Variants in CPLX2 observed in about 807,000 individuals in gnomAD.
CPLX2 encodes complexin 2.
In CPLX2, 5 loss-of-function variants were observed where a neutral mutation model predicts 16.3. That is an observed-to-expected ratio of 0.31 (90% confidence interval 0.16 to 0.64). CPLX2 has a LOEUF of 0.64. Among genes scored for constraint, CPLX2 ranks in the 30% least tolerant of loss-of-function variants. The pLI, the probability that CPLX2 is intolerant of heterozygous loss-of-function variation, is 0.79. For synonymous variants in CPLX2, 89 were observed against 73.2 expected (o/e 1.22, Z -1.10); for missense variants, 144 against 181.4 (o/e 0.79, Z 1.18).
chr5:175,830,388 C>T lies in CPLX2; in HGVS notation c.-89+21320C>T. Reference sequence around the variant, plus strand: ...CCAGGGTTACACAGCCAGGGAGCAGCAGAGCCCAGGTATGAACCATCATGC... The same window carrying T: ...CCAGGGTTACACAGCCAGGGAGCAGTAGAGCCCAGGTATGAACCATCATGC... On this transcript the variant is annotated intron_variant, in intron 2 of 4. Coordinates refer to the CPLX2 transcript ENST00000359546. This position sits in a 1 kb window ranked among gnomAD's most constrained non-coding sequence, Gnocchi z 4.0. 6.6e-6 allele frequency among the ~76,000 whole-genome samples: 1 copy of T among 152,224 alleles called. No individual in the cohort carries two copies. Among genetic ancestry groups the T allele is most frequent in the South Asian group, 2.1e-4 (1 of 4,836 alleles).
At chr5:175,806,434 G>A (rs981066981) in intron 1 of CPLX2, among the ~76,000 whole-genome samples, 3 of 152,112 alleles carry the variant, frequency 2.0e-5, no homozygotes, top group Non-Finnish European at 4.4e-5. Context: ...GTGTTAGAGG[G>A]GGTGACACAC....
chr5:175,881,768 C>T lies in CPLX2; in HGVS notation c.*1723C>T, dbSNP rs992914905. 1 of 152,672 alleles carries T rather than the reference C, an allele frequency of 6.5e-6. No individual in the cohort carries two copies. The allele number at this position is 152,672 out of a possible 1,614,324, so 9.5% of individuals were successfully genotyped here. On this transcript the variant is annotated 3_prime_UTR_variant, in exon 4 of 4. Transcript: ENST00000393745. Reference sequence around the variant, plus strand: ...GTCCTCAGAATCCCACTGCAATGGACCCAGGCAGCGCCCCAGGAAGCCATG... The same window carrying T: ...GTCCTCAGAATCCCACTGCAATGGATCCAGGCAGCGCCCCAGGAAGCCATG...
At chr5:175,879,283 C>T (rs1303460763) in intron 3 of CPLX2, among the ~76,000 whole-genome samples, 200 bp downstream of exon 3, 2 of 152,162 alleles carry the variant, frequency 1.3e-5, no homozygotes, top group Admixed American at 6.5e-5. Context: ...TAAGAGAATG[C>T]GCGTAGTAGG....
chr5:175,873,436 C>T (rs924597983), intron 1 of CPLX2, among the ~76,000 whole-genome samples: 1 of 152,018 alleles, frequency 6.6e-6, no homozygotes, highest in Non-Finnish European at 1.5e-5. Context: ...GTAGCCAATT[C>T]TGGGGACAGG....
At chr5:175,847,601 A>C (rs1759071056) in intron 2 of CPLX2, among the ~76,000 whole-genome samples, 1 of 152,192 alleles carries the variant, frequency 6.6e-6, no homozygotes, top group Non-Finnish European at 1.5e-5. Context: ...TGGGCATCTT[A>C]CTGCCCTCAA....
chr5:175,874,256 G>A (rs185526257), intron 1 of CPLX2, among the ~76,000 whole-genome samples: 1 of 152,350 alleles, frequency 6.6e-6, no homozygotes, highest in East Asian at 1.9e-4. Flanking sequence ...ATTAGCAGCA[G>A]TCACAGAGTG....
At chr5:175,855,091 G>C (rs959923038) in intron 2 of CPLX2, among the ~76,000 whole-genome samples, 2 of 152,216 alleles carry the variant, frequency 1.3e-5, no homozygotes, top group Non-Finnish European at 2.9e-5. Context: ...AGCCAGCAAG[G>C]CTTCTTTCCT....
chr5:175,874,095 C>G (rs970117225), intron 1 of CPLX2, among the ~76,000 whole-genome samples: 2 of 152,178 alleles, frequency 1.3e-5, no homozygotes, highest in Non-Finnish European at 2.9e-5. Flanking sequence ...TTAACAAGGC[C>G]ATGGGGAGCC....
intron 1 of CPLX2, among the ~76,000 whole-genome samples, chr5:175,873,984 T>C (rs980319026): frequency 1.3e-5 from 2 of 152,134 alleles, no homozygotes; most frequent in African/African-American, 4.8e-5. Flanking sequence ...AAATAATACG[T>C]GCTAAGCAGA....
At chr5:175,857,177 T>C (rs1042174962) in intron 2 of CPLX2, among the ~76,000 whole-genome samples, 1 of 152,176 alleles carries the variant, frequency 6.6e-6, no homozygotes, top group Non-Finnish European at 1.5e-5. Flanking sequence ...CATTCTGTCC[T>C]GGGAACAAGC....
At chr5:175,825,159 G>A (rs1393972666) in intron 2 of CPLX2, among the ~76,000 whole-genome samples, 1 of 152,108 alleles carries the variant, frequency 6.6e-6, no homozygotes, top group Admixed American at 6.5e-5. Flanking sequence ...CACTTTGGGA[G>A]GCCAAGACAG....
intron 2 of CPLX2, among the ~76,000 whole-genome samples, chr5:175,817,615 C>CA (rs1225766463): frequency 6.6e-6 from 1 of 152,264 alleles, no homozygotes; most frequent in Non-Finnish European, 1.5e-5. Flanking sequence ...TAATTACTCC[C>CA]ACGATGTTTG....
At chr5:175,808,284 C>A (rs1758249158) in intron 1 of CPLX2, among the ~76,000 whole-genome samples, 1 of 152,098 alleles carries the variant, frequency 6.6e-6, no homozygotes, top group South Asian at 2.1e-4. Flanking sequence ...ATATGTGATA[C>A]CAAATCTAGC....
rs561917574 is a variant in CPLX2, at chr5:175,851,992, CAG to C, written c.-88-26659_-88-26658del. Reference sequence around the variant, plus strand: ...CTGCACCGTGTTTCTTTTTTCTACACAGGGGGCTGAACAGCAATGATTCCAGC... The same window carrying C: ...CTGCACCGTGTTTCTTTTTTCTACACGGGGCTGAACAGCAATGATTCCAGC... On this transcript the variant is annotated intron_variant, in intron 2 of 4. Transcript: ENST00000359546. 3.4e-4 allele frequency among the ~76,000 whole-genome samples: 52 copies of C among 152,344 alleles called. No individual in the cohort carries two copies. The South Asian group carries it at 0.01, about 30-fold the overall frequency.
chr5:175,830,931 G>A lies in CPLX2; in HGVS notation c.-89+21863G>A, dbSNP rs1758724251. 6.6e-6 allele frequency among the ~76,000 whole-genome samples: 1 copy of A among 152,220 alleles called. No individual in the cohort carries two copies. Among genetic ancestry groups the A allele is most frequent in the Non-Finnish European group, 1.5e-5 (1 of 68,030 alleles). ...GGGCCTTAGAGCCCAAGGGAAACGT[G>A]CGTGTGTTCGTGCTCACACAGTTGT... On this transcript the variant is annotated intron_variant, in intron 2 of 4. Transcript: ENST00000359546. The surrounding 1 kb of genome is among the most constrained non-coding windows in gnomAD (Gnocchi z 4.0).
chr5:175,873,134 C>T, intron 1 of CPLX2: 1 of 148,148 alleles, frequency 6.8e-6, no homozygotes, highest in Non-Finnish European at 1.5e-5. Flanking sequence ...CACCCCCCTT[C>T]CCGCGCAGGG....
chr5:175,802,537 G>GC (rs1758119212), intron 1 of CPLX2, among the ~76,000 whole-genome samples: 1 of 152,222 alleles, frequency 6.6e-6, no homozygotes, highest in African/African-American at 2.4e-5. Flanking sequence ...AGCTGCGACA[G>GC]CCAGGAGGGC....
intron 2 of CPLX2, among the ~76,000 whole-genome samples, chr5:175,858,542 G>T (rs917817611): frequency 1.3e-5 from 2 of 152,222 alleles, no homozygotes; most frequent in African/African-American, 2.4e-5. Flanking sequence ...GCCAGTGTCA[G>T]TGGGGAGCCA....
At chr5:175,842,258 A>G (rs1163314782) in intron 2 of CPLX2, among the ~76,000 whole-genome samples, 1 of 152,208 alleles carries the variant, frequency 6.6e-6, no homozygotes, top group African/African-American at 2.4e-5. Flanking sequence ...CATTTCCTCA[A>G]TGACTCCCAC....
Sources: gnomAD v4.1 joint callset for allele counts (sites outside exome capture counted in the v4.1 genomes callset) on GRCh38, gnomAD v4.1.1 for gene constraint, Gnocchi (gnomAD v3.1) non-coding constraint, MANE v1.5 for transcripts, NCBI Gene and HGNC (gene_info 2026-07-23, HGNC 2026-07-21) for gene names.